Variants in LRRC53 observed in about 807,000 individuals in gnomAD.
LRRC53 encodes leucine rich repeat containing 53.
A neutral mutation model predicts 13.6 loss-of-function variants in LRRC53; 25 were observed. That is an observed-to-expected ratio of 1.83 (90% confidence interval 1.34 to 2.56). LRRC53 has a LOEUF of 2.56. Ranked by LOEUF, LRRC53 falls within the 30% of genes most tolerant of loss-of-function variation. LRRC53 has a pLI of 0.00. For synonymous variants in LRRC53, 204 were observed against 109.8 expected (o/e 1.86, Z -5.37); for missense variants, 527 against 275.8 (o/e 1.91, Z -6.45).
chr1:74,522,133 G>A, the LRRC53 span, among the ~76,000 whole-genome samples: 1 of 152,096 alleles, frequency 6.6e-6, no homozygotes, highest in African/African-American at 2.4e-5. Context: ...AAAAAATCTG[G>A]TTCAGGCACT....
chr1:74,507,544 G>A (rs1349760104), intron 1 of LRRC53, among the ~76,000 whole-genome samples: 1 of 152,098 alleles, frequency 6.6e-6, no homozygotes, highest in African/African-American at 2.4e-5. Flanking sequence ...ATAGTGTGAT[G>A]GATATATGTG....
intron 1 of LRRC53, among the ~76,000 whole-genome samples, chr1:74,486,054 G>A (rs987289375): frequency 7.2e-5 from 11 of 152,052 alleles, no homozygotes; most frequent in African/African-American, 2.2e-4. Context: ...TAAATCACTA[G>A]GTTTATGGTA....
the LRRC53 span, among the ~76,000 whole-genome samples, chr1:74,521,300 A>T: frequency 2.6e-5 from 4 of 152,114 alleles, no homozygotes; most frequent in African/African-American, 9.7e-5. Flanking sequence ...TTGCTTCCTA[A>T]TCTATAAAAC....
rs901767432 is a variant in LRRC53 at position 74,472,109 on chromosome 1, A to G, written c.1513T>C (p.Trp505Arg). The change falls in exon 5 of 5, where the codon TGG (tryptophan) becomes CGG (arginine). Residue 505 changes from tryptophan to arginine, a missense_variant. Transcript: ENST00000294635. The part of the protein sequence containing the change: ...SLEKRLTNES[W>R]QPPIEKEDNG... ...TCTTCTTTTTCTATTGGAGGCTGCC[A>G]TGATTCATTTGTTAAACGCTTCTCA... is the stretch of plus-strand genomic sequence containing the variant. 7.0e-6 allele frequency: 5 copies of G among 717,280 alleles called. No homozygotes were observed. The East Asian group carries it at 1.3e-4, about 19-fold the overall frequency. The allele number at this position is 717,280 out of a possible 1,614,324, so 44.4% of individuals were successfully genotyped here. A position where few individuals can be genotyped will look rare whatever the true frequency, so the allele number is the denominator to read the frequency against.
At chr1:74,511,937 G>A (rs938829764) in intron 1 of LRRC53, among the ~76,000 whole-genome samples, 14 of 152,148 alleles carry the variant, frequency 9.2e-5, no homozygotes, top group African/African-American at 3.4e-4. Context: ...TATAGATGAG[G>A]ATCTAAAGTC....
At chr1:74,491,261 C>G (rs1156291187) in intron 1 of LRRC53, among the ~76,000 whole-genome samples, 1 of 152,158 alleles carries the variant, frequency 6.6e-6, no homozygotes, top group Non-Finnish European at 1.5e-5. Context: ...CGCTCTGTCT[C>G]CAGGCTGGAG....
At position 74,512,007 on chromosome 1, in the gene LRRC53, G is replaced by A. The variant is rs147427888; in HGVS notation, c.-27+519C>T. Among the ~76,000 whole-genome samples, 233 of 152,314 alleles carry A rather than the reference G, an allele frequency of 1.5e-3. 3 individuals carry two copies. In the East Asian group the frequency reaches 0.031, roughly 20 times the overall value. On this transcript the variant is annotated intron_variant, in intron 1 of 4. Transcript: ENST00000294635. Reference sequence around the variant, plus strand: ...TAAGTTCAGTACCCAAGGAAAATCGGAAGGAAGAGGGCAGCTTTCCTTCAT... The same window carrying A: ...TAAGTTCAGTACCCAAGGAAAATCGAAAGGAAGAGGGCAGCTTTCCTTCAT...
intron 1 of LRRC53, among the ~76,000 whole-genome samples, chr1:74,483,916 C>G (rs1295872152): frequency 6.6e-6 from 1 of 152,118 alleles, no homozygotes; most frequent in Admixed American, 6.5e-5. Context: ...AGTATGATGT[C>G]AAGATTAAGC....
At chr1:74,509,345 C>T in intron 1 of LRRC53, among the ~76,000 whole-genome samples, 1 of 152,138 alleles carries the variant, frequency 6.6e-6, no homozygotes. Flanking sequence ...TTCAATTTTT[C>T]TCTATAATCC....
At position 74,480,431 on chromosome 1, in the gene LRRC53, A is replaced by T. The variant is rs905200054; in HGVS notation, c.626T>A (p.Leu209Gln). ...VFTPLKQLIL[L>Q]SLDKNQWSCT... is the part of the protein sequence containing the mutation. ...GCTCCACTGGTTCTTATCTAAGCTCAGAAGGATTAACTGCTTCAGTGGAGT... is the reference window on the plus strand; with the variant it reads ...GCTCCACTGGTTCTTATCTAAGCTCTGAAGGATTAACTGCTTCAGTGGAGT... The change falls in exon 3 of 5, where the codon CTG (leucine) becomes CAG (glutamine). Residue 209 changes from leucine to glutamine, a missense_variant. Coordinates refer to ENST00000294635, the MANE Select transcript of LRRC53 (RefSeq NM_001382280.1). The T allele has an allele frequency of 2.8e-6, 2 of 717,576 alleles. No individual in the cohort carries two copies. The highest frequency in any genetic ancestry group is 1.7e-5 in the African/African-American group (1 of 57,400). The allele number at this position is 717,576 out of a possible 1,614,324, so 44.5% of individuals were successfully genotyped here. A position where few individuals can be genotyped will look rare whatever the true frequency, so the allele number is the denominator to read the frequency against.
At chr1:74,519,808 T>A in the LRRC53 span, among the ~76,000 whole-genome samples, 1 of 152,162 alleles carries the variant, frequency 6.6e-6, no homozygotes, top group South Asian at 2.1e-4. Flanking sequence ...GTTTATAATG[T>A]GTGTCATTCA....
chr1:74,501,514 A>G (rs1669630687), intron 1 of LRRC53, among the ~76,000 whole-genome samples: 2 of 121,672 alleles, frequency 1.6e-5, no homozygotes, highest in South Asian at 5.3e-4. Flanking sequence ...GTTTTTTGAG[A>G]CTGGCTCTGT....
chr1:74,492,579 G>A (rs1004907281), intron 1 of LRRC53, among the ~76,000 whole-genome samples: 2 of 152,132 alleles, frequency 1.3e-5, no homozygotes, highest in African/African-American at 2.4e-5. Flanking sequence ...GAATTCCTGT[G>A]TGGAAACCAG....
At position 74,475,335 on chromosome 1, in the gene LRRC53, G is replaced by C. The variant is rs1161038812; in HGVS notation, c.1380C>G (p.Val460=). ...QKLWNLEPGE[V]QPQTLQHHII... Reference sequence around the variant, plus strand: ...TATGGTGTTGCAGAGTTTGAGGCTGGACTTCTCCAGGCTCAAGATTCCATA... The same window carrying C: ...TATGGTGTTGCAGAGTTTGAGGCTGCACTTCTCCAGGCTCAAGATTCCATA... The change falls in exon 4 of 5, where the codon GTC becomes GTG. Residue 460 remains valine (V), a synonymous_variant. Coordinates refer to ENST00000294635, the MANE Select transcript of LRRC53 (RefSeq NM_001382280.1). 2 of 708,278 alleles carry C rather than the reference G, an allele frequency of 2.8e-6. No individual in the cohort carries two copies. The highest frequency in any genetic ancestry group is 5.4e-5 in the East Asian group (2 of 37,218). The allele number at this position is 708,278 out of a possible 1,614,324, so 43.9% of individuals were successfully genotyped here. A position where few individuals can be genotyped will look rare whatever the true frequency, so the allele number is the denominator to read the frequency against.
chr1:74,483,126 G>T (rs1668585885), intron 2 of LRRC53, 136 bp downstream of exon 2: 1 of 492,732 alleles, frequency 2.0e-6, no homozygotes. Context: ...AGTCTCTTTA[G>T]TCATTGTATG....
upstream of LRRC53, among the ~76,000 whole-genome samples, chr1:74,517,593 G>A (rs551394103): frequency 1.3e-5 from 2 of 152,158 alleles, no homozygotes; most frequent in Non-Finnish European, 2.9e-5. Flanking sequence ...GGGGCTGTGT[G>A]CTAAGCATTA....
Position 74,472,069 on chromosome 1 carries a change from G to A in LRRC53, c.1553C>T (p.Pro518Leu). Residue 518 changes from proline (P) to leucine (L), a missense_variant, in exon 5 of 5, where the codon CCT becomes CTT. Transcript: ENST00000294635. ...PIEKEDNGLH[P>L]HRQRHFITSS... Reference sequence around the variant, plus strand: ...TGTAATAAAATGTCTTTGCCTATGAGGGTGTAAGCCATTGTCTTCTTTTTC... The same window carrying A: ...TGTAATAAAATGTCTTTGCCTATGAAGGTGTAAGCCATTGTCTTCTTTTTC... The A allele has an allele frequency of 1.4e-6, 1 of 716,452 alleles. No individual in the cohort carries two copies. Among genetic ancestry groups the A allele is most frequent in the Non-Finnish European group, 2.6e-6 (1 of 384,662 alleles). 44.4% of individuals were successfully genotyped at this position (716,452 alleles called of 1,614,324 possible). A position where few individuals can be genotyped will look rare whatever the true frequency, so the allele number is the denominator to read the frequency against.
At chr1:74,530,748 A>G in the LRRC53 span, among the ~76,000 whole-genome samples, 1 of 146,848 alleles carries the variant, frequency 6.8e-6, no homozygotes, top group African/African-American at 2.5e-5. Context: ...TTCCTGGATG[A>G]TAGTATAGAA....
chr1:74,497,928 C>G (rs1467482936), intron 1 of LRRC53, among the ~76,000 whole-genome samples: 2 of 152,264 alleles, frequency 1.3e-5, no homozygotes, highest in South Asian at 2.1e-4. Flanking sequence ...GAGAGTGATA[C>G]TGTCGCTCTC....
Sources: gnomAD v4.1 joint callset for allele counts (sites outside exome capture counted in the v4.1 genomes callset) on GRCh38, gnomAD v4.1.1 for gene constraint, MANE v1.5 for transcripts, NCBI Gene and HGNC (gene_info 2026-07-23, HGNC 2026-07-21) for gene names.